The following EEPD1 variants were observed in gnomAD, a reference collection of about 807,000 sequenced individuals.
The protein encoded by EEPD1 is endonuclease/exonuclease/phosphatase family domain containing 1.
In EEPD1, 17 loss-of-function variants were observed where a neutral mutation model predicts 46.3. That is an observed-to-expected ratio of 0.37 (90% CI 0.25 to 0.55). The LOEUF (loss-of-function observed/expected upper bound fraction) is 0.55. Ranked by LOEUF, EEPD1 falls within the 20% of genes least tolerant of loss-of-function variation. EEPD1 has a pLI of 0.83. For synonymous variants in EEPD1, 313 were observed against 315.6 expected (o/e 0.99, Z 0.09); for missense variants, 673 against 745.6 (o/e 0.90, Z 1.13).
chr7:36,204,404 C>A (rs754378161), intron 2 of EEPD1, among the ~76,000 whole-genome samples: 9 of 150,466 alleles, frequency 6.0e-5, no homozygotes, highest in Middle Eastern at 3.5e-3. Flanking sequence ...TATCTAAGAA[C>A]AGCAGCAATG....
At chr7:36,209,966 C>A (rs953914643) in intron 2 of EEPD1, among the ~76,000 whole-genome samples, 1 of 151,950 alleles carries the variant, frequency 6.6e-6, no homozygotes, top group Non-Finnish European at 1.5e-5. Flanking sequence ...CTGAGTCCAG[C>A]CAGTGCAGAG....
intron 6 of EEPD1, 123 bp from the exon 7 acceptor site, chr7:36,296,870 C>A: frequency 1.1e-6 from 1 of 882,136 alleles, no homozygotes; most frequent in Non-Finnish European, 1.7e-6. Flanking sequence ...GAGAACCATG[C>A]CACAGTACTA....
chr7:36,257,161 T>C (rs944871230), intron 3 of EEPD1, among the ~76,000 whole-genome samples: 1 of 152,230 alleles, frequency 6.6e-6, no homozygotes, highest in Non-Finnish European at 1.5e-5. Flanking sequence ...CACTTTCTTA[T>C]GGCTTGTAGG....
chr7:36,247,494 T>G (rs1234162683), intron 3 of EEPD1, among the ~76,000 whole-genome samples: 2 of 152,244 alleles, frequency 1.3e-5, no homozygotes, highest in Non-Finnish European at 2.9e-5. Context: ...GATAAAGTTA[T>G]AAAGATACAT....
intron 2 of EEPD1, among the ~76,000 whole-genome samples, chr7:36,183,896 A>G (rs1785318821): frequency 8.7e-6 from 1 of 114,636 alleles, no homozygotes; most frequent in South Asian, 2.4e-4. Context: ...TTTATTTTTA[A>G]AAAAATGTGT....
At chr7:36,253,164 A>C (rs1481795693) in intron 3 of EEPD1, among the ~76,000 whole-genome samples, 1 of 152,112 alleles carries the variant, frequency 6.6e-6, no homozygotes, top group Non-Finnish European at 1.5e-5. Flanking sequence ...AATTCATCTC[A>C]GAGCATTTTT....
chr7:36,154,816 C>G lies in EEPD1; in HGVS notation c.492C>G (p.Phe164Leu). ...AAATGGCCCTCAGCATCGTGGACTT[C>G]CGCCGTGAGCATGGGCCCTTTCGCA... ...SEKMALSIVD[F>L]RREHGPFRSV... Residue 164 changes from phenylalanine to leucine, a missense_variant, in exon 2 of 8, where the codon TTC becomes TTG. Physicochemically the swap from Phe to Leu is conservative, Grantham distance 22 (BLOSUM62 0). Coordinates refer to ENST00000242108, the MANE Select transcript of EEPD1 (RefSeq NM_030636.3). The surrounding 1 kb of genome is among the most constrained non-coding windows in gnomAD (Gnocchi z 4.2). 1 of 1,614,226 alleles carries G rather than the reference C, an allele frequency of 6.2e-7. No homozygotes were observed. Among genetic ancestry groups the G allele is most frequent in the Non-Finnish European group, 8.5e-7 (1 of 1,180,044 alleles).
intron 2 of EEPD1, among the ~76,000 whole-genome samples, chr7:36,180,801 A>G (rs1245248585): frequency 6.6e-6 from 1 of 151,960 alleles, no homozygotes; most frequent in African/African-American, 2.4e-5. Context: ...TCAGTCATAC[A>G]TCCACTCAGC....
chr7:36,290,606 C>T (rs963742661), intron 6 of EEPD1, among the ~76,000 whole-genome samples: 2 of 152,182 alleles, frequency 1.3e-5, no homozygotes, highest in Non-Finnish European at 2.9e-5. Context: ...TGCAGGCTGA[C>T]GTCAGTGGGG....
At chr7:36,236,700 G>A (rs897048440) in intron 2 of EEPD1, among the ~76,000 whole-genome samples, 2 of 152,206 alleles carry the variant, frequency 1.3e-5, no homozygotes, top group East Asian at 3.9e-4. Context: ...CTCATTGGAT[G>A]GGGACTTGGA....
intron 3 of EEPD1, among the ~76,000 whole-genome samples, chr7:36,270,161 C>T (rs1416312427): frequency 3.9e-5 from 6 of 152,036 alleles, no homozygotes; most frequent in African/African-American, 1.4e-4. Flanking sequence ...TGATAAAATG[C>T]ACAGGAAACA....
intron 2 of EEPD1, among the ~76,000 whole-genome samples, chr7:36,224,736 A>G (rs549464479): frequency 1.3e-5 from 2 of 152,330 alleles, no homozygotes; most frequent in Non-Finnish European, 2.9e-5. Context: ...CAAATTAGCA[A>G]GAGTATAGAA....
chr7:36,288,619 G>A lies in EEPD1; in HGVS notation c.1315+842G>A, dbSNP rs192112134. 6.5e-4 allele frequency among the ~76,000 whole-genome samples: 99 copies of A among 152,132 alleles called. 3 individuals are homozygous for A. In the East Asian group the frequency reaches 0.013, roughly 20 times the overall value. On this transcript the variant is annotated intron_variant, in intron 6 of 7. Coordinates refer to ENST00000242108, the MANE Select transcript of EEPD1 (RefSeq NM_030636.3). ...CTACAAAGAACGAAAAAAATTAGCC[G>A]GGCATGGTGGTACACACCAGTAGTC...
chr7:36,273,229 C>T (rs991631081), intron 3 of EEPD1, among the ~76,000 whole-genome samples: 3 of 152,028 alleles, frequency 2.0e-5, no homozygotes, highest in Non-Finnish European at 2.9e-5. Context: ...CTTTCTGAGC[C>T]CTGGTTTCGT....
chr7:36,256,129 G>A (rs1786825681), intron 3 of EEPD1, among the ~76,000 whole-genome samples: 1 of 152,170 alleles, frequency 6.6e-6, no homozygotes, highest in Admixed American at 6.5e-5. Context: ...ATGTAGCTGT[G>A]TGGTTTTGTG....
At chr7:36,284,078 C>T (rs768441649) in intron 4 of EEPD1, among the ~76,000 whole-genome samples, 13 of 152,242 alleles carry the variant, frequency 8.5e-5, no homozygotes, top group Middle Eastern at 3.2e-3. Flanking sequence ...GCCCTGGCAC[C>T]TCTGACCTAA....
At chr7:36,231,273 C>T (rs1181327123) in intron 2 of EEPD1, among the ~76,000 whole-genome samples, 1 of 152,138 alleles carries the variant, frequency 6.6e-6, no homozygotes. Context: ...TAGATCTTAA[C>T]TGCACGCATT....
intron 2 of EEPD1, among the ~76,000 whole-genome samples, chr7:36,184,269 T>TA (rs1004251717): frequency 2.6e-5 from 4 of 152,034 alleles, no homozygotes; most frequent in South Asian, 2.1e-4. Flanking sequence ...TTTCTACCAC[T>TA]AAAAAAAATG....
At chr7:36,257,099 T>G (rs759649595) in intron 3 of EEPD1, among the ~76,000 whole-genome samples, 2 of 152,230 alleles carry the variant, frequency 1.3e-5, no homozygotes, top group African/African-American at 2.4e-5. Flanking sequence ...TGGCTAGATA[T>G]GAAATTCTGA....
Sources: gnomAD v4.1 joint callset for allele counts (sites outside exome capture counted in the v4.1 genomes callset) on GRCh38, gnomAD v4.1.1 for gene constraint, Gnocchi (gnomAD v3.1) non-coding constraint, MANE v1.5 for transcripts, NCBI Gene and HGNC (gene_info 2026-07-23, HGNC 2026-07-21) for gene names.